Variants in GALNTL6 observed in about 807,000 individuals in gnomAD.
GALNTL6 encodes polypeptide N-acetylgalactosaminyltransferase like 6.
A neutral mutation model predicts 73.7 loss-of-function variants in GALNTL6; 46 were observed. That is an observed-to-expected ratio of 0.62 (90% confidence interval 0.49 to 0.80). GALNTL6 has a LOEUF of 0.80. Ranked by LOEUF, GALNTL6 falls within the 30% of genes least tolerant of loss-of-function variation. The pLI is 0.00. For synonymous variants in GALNTL6, 259 were observed against 263.7 expected, an observed-to-expected ratio of 0.98 and a Z score of 0.17; for missense variants, 604 against 755.0, an observed-to-expected ratio of 0.80 and a Z score of 2.34.
chr4:172,207,773 G>A (rs77393012), intron 2 of GALNTL6, among the ~76,000 whole-genome samples: 14,670 of 152,174 alleles, frequency 0.096, 849 homozygotes, highest in East Asian at 0.28. Context: ...CTCTAATGGG[G>A]TTTTTAAGGA....
rs538803251 is a variant in GALNTL6 at position 171,822,319 on chromosome 4, C to T, written c.138+7601C>T. Among the ~76,000 whole-genome samples, 242 of 152,244 alleles carry T rather than the reference C, an allele frequency of 1.6e-3. 1 individual carries two copies. The highest frequency in any genetic ancestry group is 5.2e-3 in the African/African-American group (214 of 41,532). On this transcript the variant is annotated intron_variant, in intron 2 of 12. Transcript: ENST00000506823. The stretch of plus-strand genomic sequence containing the variant: ...GCCTGTTCTTCTTATAAAAATTACA[C>T]AGGGTTGGCATTAAGCAAAGGGGAG...
chr4:172,229,518 C>G, intron 2 of GALNTL6, 138 bp from the exon 3 acceptor site: 4 of 601,542 alleles, frequency 6.6e-6, no homozygotes, highest in Non-Finnish European at 1.2e-5. Context: ...CCAGCGATAG[C>G]TTTCTTTTCA....
chr4:172,277,814 C>T (rs1169810252), intron 3 of GALNTL6, among the ~76,000 whole-genome samples: 2 of 152,148 alleles, frequency 1.3e-5, no homozygotes, highest in South Asian at 2.1e-4. Context: ...ATACATGCTG[C>T]TTTTATCAGC....
At chr4:172,670,921 G>C (rs1731939961) in intron 5 of GALNTL6, among the ~76,000 whole-genome samples, 1 of 152,040 alleles carries the variant, frequency 6.6e-6, no homozygotes, top group Non-Finnish European at 1.5e-5. Context: ...TTTCCTTATT[G>C]CTTGTTTTTG....
At chr4:172,308,158 C>T (rs1578938367) in intron 3 of GALNTL6, among the ~76,000 whole-genome samples, 1 of 120,110 alleles carries the variant, frequency 8.3e-6, no homozygotes, top group African/African-American at 3.7e-5. Context: ...AATTCATTTA[C>T]CAGTAAATGA....
chr4:172,500,425 C>G (rs146194804), intron 5 of GALNTL6, among the ~76,000 whole-genome samples: 1 of 152,048 alleles, frequency 6.6e-6, no homozygotes, highest in Non-Finnish European at 1.5e-5. Flanking sequence ...CATCTCAGAG[C>G]AAAACAAAAC....
At chr4:172,179,345 A>G (rs1476001731) in intron 2 of GALNTL6, among the ~76,000 whole-genome samples, 1 of 148,796 alleles carries the variant, frequency 6.7e-6, no homozygotes, top group Admixed American at 6.7e-5. Context: ...AATGATTGCC[A>G]TTCTAACTGG....
At chr4:172,220,887 T>C (rs527298567) in intron 2 of GALNTL6, among the ~76,000 whole-genome samples, 1 of 151,980 alleles carries the variant, frequency 6.6e-6, no homozygotes, top group South Asian at 2.1e-4. Flanking sequence ...GCTGATGCAA[T>C]AATGATTTGG....
At chr4:172,480,896 G>T (rs1434044633) in intron 5 of GALNTL6, among the ~76,000 whole-genome samples, 1 of 152,110 alleles carries the variant, frequency 6.6e-6, no homozygotes, top group Admixed American at 6.5e-5. Context: ...AGGGGTGCAT[G>T]AAAAAGGATC....
chr4:171,971,297 C>T (rs1055057742), intron 2 of GALNTL6, among the ~76,000 whole-genome samples: 2 of 152,180 alleles, frequency 1.3e-5, no homozygotes, highest in African/African-American at 2.4e-5. Context: ...AGAAATGCCT[C>T]TTTGAGGTAA....
chr4:171,996,543 T>A (rs1740490093), intron 2 of GALNTL6, among the ~76,000 whole-genome samples: 1 of 152,050 alleles, frequency 6.6e-6, no homozygotes, highest in Admixed American at 6.6e-5. Context: ...TGTGCGTTTG[T>A]CACAGGAGAA....
At chr4:172,036,414 A>T (rs1460887840) in intron 2 of GALNTL6, among the ~76,000 whole-genome samples, 1 of 152,170 alleles carries the variant, frequency 6.6e-6, no homozygotes, top group Non-Finnish European at 1.5e-5. Context: ...TATATAAATC[A>T]CACAAAGTCA....
At chr4:173,000,400 G>T (rs779933861) in intron 10 of GALNTL6, among the ~76,000 whole-genome samples, 24 of 152,186 alleles carry the variant, frequency 1.6e-4, no homozygotes, top group Non-Finnish European at 3.4e-4. Flanking sequence ...GTTACTGAAA[G>T]AAATTGCATA....
chr4:171,891,539 TA>T (rs1054880511), intron 2 of GALNTL6, among the ~76,000 whole-genome samples: 6 of 152,242 alleles, frequency 3.9e-5, no homozygotes, highest in South Asian at 2.1e-4. Context: ...TAGTCCTGTT[TA>T]AAAAAAATTC....
chr4:172,060,447 T>G (rs1731163816), intron 2 of GALNTL6, among the ~76,000 whole-genome samples: 1 of 152,226 alleles, frequency 6.6e-6, no homozygotes, highest in South Asian at 2.1e-4. Flanking sequence ...ACTCTCCTGT[T>G]TCTCTATTTT....
In GALNTL6 at chr4:172,069,983, C is replaced by T. The variant is rs528832735; in HGVS notation, c.139-159673C>T. On this transcript the variant is annotated intron_variant, in intron 2 of 12. Transcript: ENST00000506823. Reference sequence around the variant, plus strand: ...GGTAATAGAAAAAGGGTGAACAGAGCATTGTATTCTCAATGGGTTGCCTCT... The same window carrying T: ...GGTAATAGAAAAAGGGTGAACAGAGTATTGTATTCTCAATGGGTTGCCTCT... Among the ~76,000 whole-genome samples the T allele has an allele frequency of 2.8e-5, 3 of 107,902 alleles. No individual in the cohort carries two copies. In the East Asian group the frequency reaches 6.4e-4, roughly 23 times the overall value. 70.8% of individuals were successfully genotyped at this position (107,902 alleles called of 152,430 possible). A position where few individuals can be genotyped will look rare whatever the true frequency, so the allele number is the denominator to read the frequency against.
At chr4:171,956,229 G>A (rs143285888) in intron 2 of GALNTL6, among the ~76,000 whole-genome samples, 7 of 152,148 alleles carry the variant, frequency 4.6e-5, no homozygotes, top group East Asian at 1.9e-4. Context: ...TGTCTTGAAC[G>A]GCGAGGCTAA....
chr4:172,552,858 G>GAAAAAAAC (rs1553960385), intron 5 of GALNTL6, among the ~76,000 whole-genome samples: 2 of 119,972 alleles, frequency 1.7e-5, no homozygotes, highest in Non-Finnish European at 3.3e-5. Context: ...AAAAAAAAAA[G>GAAAAAAAC]GTAAAAACCG....
At chr4:172,539,875 T>TTA (rs10589603) in intron 5 of GALNTL6, among the ~76,000 whole-genome samples, 1,357 of 126,588 alleles carry the variant, frequency 0.011, 12 homozygotes, top group South Asian at 0.029. Context: ...ATACATATGA[T>TTA]TATATATATA....
Sources: gnomAD v4.1 joint callset for allele counts (sites outside exome capture counted in the v4.1 genomes callset) on GRCh38, gnomAD v4.1.1 for gene constraint, MANE v1.5 for transcripts, NCBI Gene and HGNC (gene_info 2026-07-23, HGNC 2026-07-21) for gene names.